The following FAM107B variants were observed in gnomAD, a reference collection of about 807,000 sequenced individuals.
FAM107B encodes protein FAM107B.
Under a neutral mutation model 31.5 loss-of-function variants are expected in FAM107B, and 21 were observed. The observed-to-expected ratio is 0.67, with a 90% CI of 0.47 to 0.96. FAM107B has a LOEUF of 0.96. Among genes scored for constraint, FAM107B ranks in the 40% least tolerant of loss-of-function variants. The pLI, the probability that FAM107B is intolerant of heterozygous loss-of-function variation, is 0.00. For missense variants in FAM107B, 452 were observed against 377.1 expected, an observed-to-expected ratio of 1.20 and a Z score of -1.64; for synonymous variants, 157 against 141.5, an observed-to-expected ratio of 1.11 and a Z score of -0.78.
At chr10:14,603,938 C>G (rs1044672324) in intron 2 of FAM107B, among the ~76,000 whole-genome samples, 1 of 149,958 alleles carries the variant, frequency 6.7e-6, no homozygotes, top group South Asian at 2.1e-4. Context: ...GCGGCAGCGC[C>G]GAGAAGGCAA....
At chr10:14,596,444 A>T (rs1852191416) in intron 2 of FAM107B, among the ~76,000 whole-genome samples, 1 of 152,240 alleles carries the variant, frequency 6.6e-6, no homozygotes, top group South Asian at 2.1e-4. Context: ...GATGACTGGC[A>T]TATGGCAGCA....
At chr10:14,723,382 C>G in intron 1 of FAM107B, 1 of 549,566 alleles carries the variant, frequency 1.8e-6, no homozygotes, top group Admixed American at 1.9e-5. Context: ...CCTGAAATTC[C>G]TCCTTGGTCA....
chr10:14,635,794 G>T (rs1298698116), intron 2 of FAM107B, among the ~76,000 whole-genome samples: 5 of 152,002 alleles, frequency 3.3e-5, no homozygotes, highest in Non-Finnish European at 7.4e-5. Flanking sequence ...ACGACGCCTG[G>T]CTAATTTTTG....
intron 3 of FAM107B, chr10:14,522,221 C>T (rs1444061786): frequency 7.7e-6 from 5 of 646,726 alleles, no homozygotes; most frequent in Non-Finnish European, 1.3e-5. Flanking sequence ...CCAAAGAGTA[C>T]ATAAAATCCA....
intron 1 of FAM107B, among the ~76,000 whole-genome samples, chr10:14,756,332 T>C (rs1832930575): frequency 2.6e-5 from 4 of 152,216 alleles, no homozygotes; most frequent in African/African-American, 9.6e-5. Context: ...AGTACCTAGG[T>C]ATTTAATCAA....
intron 1 of FAM107B, among the ~76,000 whole-genome samples, chr10:14,702,462 T>A (rs1408115002): frequency 2.0e-5 from 3 of 152,208 alleles, no homozygotes; most frequent in African/African-American, 7.2e-5. Flanking sequence ...TTCTCCCGCC[T>A]CAGCCCCCTG....
At chr10:14,604,255 A>G (rs974113433) in intron 2 of FAM107B, 3 of 978,568 alleles carry the variant, frequency 3.1e-6, no homozygotes, top group Non-Finnish European at 3.6e-6. Context: ...CGCGCGCACA[A>G]AGGCGCGCGG....
chr10:14,580,290 G>A (rs1245615168), intron 2 of FAM107B, among the ~76,000 whole-genome samples: 2 of 152,044 alleles, frequency 1.3e-5, no homozygotes, highest in Admixed American at 6.6e-5. Flanking sequence ...AACCCAGGAG[G>A]TGGAGCTTGC....
At chr10:14,570,235 T>G (rs2182456) in intron 2 of FAM107B, among the ~76,000 whole-genome samples, 27,065 of 75,544 alleles carry the variant, frequency 0.36, 2,931 homozygotes, top group Middle Eastern at 0.58. Flanking sequence ...ATGTGGTGGG[T>G]GTGTGTGTGT....
At chr10:14,744,643 T>C (rs1462422234) in intron 1 of FAM107B, among the ~76,000 whole-genome samples, 1 of 152,220 alleles carries the variant, frequency 6.6e-6, no homozygotes, top group Non-Finnish European at 1.5e-5. Context: ...TGTGATGAAT[T>C]ACATTTATTG....
chr10:14,602,361 G>T (rs890429402), intron 2 of FAM107B: 8 of 152,294 alleles, frequency 5.3e-5, no homozygotes, highest in Non-Finnish European at 7.3e-5. Context: ...TTGTCTCAAA[G>T]ACCTCTATTT....
rs972390539 is a variant in FAM107B at position 14,527,376 on chromosome 10, G to A, written c.653+2956C>T. ...ACACACTAGAAAGAGCATAGGTTTC[G>A]CAGTTAGAAGACCTGTGGGTACTTG... On this transcript the variant is annotated intron_variant, in intron 3 of 4. Transcript: ENST00000181796. Among the ~76,000 whole-genome samples, 9 of 152,300 alleles carry A rather than the reference G, an allele frequency of 5.9e-5. No individual in the cohort carries two copies. In the East Asian group the frequency reaches 1.3e-3, roughly 23 times the overall value.
intron 2 of FAM107B, among the ~76,000 whole-genome samples, chr10:14,614,314 C>T (rs548929804): frequency 1.3e-5 from 2 of 152,198 alleles, no homozygotes; most frequent in Non-Finnish European, 2.9e-5. Context: ...AAGGGAGAAA[C>T]TGAGGCCTGT....
chr10:14,715,964 A>G (rs992187007), intron 1 of FAM107B, among the ~76,000 whole-genome samples: 4 of 152,186 alleles, frequency 2.6e-5, no homozygotes, highest in African/African-American at 9.7e-5. Context: ...GCCAATTTCC[A>G]TAATAAATCC....
At chr10:14,539,984 C>T (rs758609803) in intron 2 of FAM107B, among the ~76,000 whole-genome samples, 10 of 152,166 alleles carry the variant, frequency 6.6e-5, no homozygotes, top group Admixed American at 2.0e-4. Flanking sequence ...TATGGAGAAA[C>T]GAGAAGGGCG....
chr10:14,725,391 TTCAA>T, intron 1 of FAM107B, among the ~76,000 whole-genome samples: 1 of 152,352 alleles, frequency 6.6e-6, no homozygotes, highest in African/African-American at 2.4e-5. Flanking sequence ...GGATTTCATG[TTCAA>T]TCAAAGTGCC....
At chr10:14,762,856 C>T (rs1177007301) in intron 1 of FAM107B, among the ~76,000 whole-genome samples, 1 of 151,966 alleles carries the variant, frequency 6.6e-6, no homozygotes, top group East Asian at 1.9e-4. Flanking sequence ...CATGATGGAT[C>T]TTGAACCTCA....
At chr10:14,699,868 G>C (rs1313151369) in intron 1 of FAM107B, among the ~76,000 whole-genome samples, 1 of 152,224 alleles carries the variant, frequency 6.6e-6, no homozygotes, top group African/African-American at 2.4e-5. Flanking sequence ...TTACAGGCTG[G>C]GTTGGCCTGT....
chr10:14,675,745 C>T (rs557107916), intron 1 of FAM107B, among the ~76,000 whole-genome samples: 42 of 152,180 alleles, frequency 2.8e-4, no homozygotes, highest in African/African-American at 9.2e-4. Flanking sequence ...ATTAGAGTCT[C>T]AAGGGTAGGA....
Sources: gnomAD v4.1 joint callset for allele counts (sites outside exome capture counted in the v4.1 genomes callset) on GRCh38, gnomAD v4.1.1 for gene constraint, MANE v1.5 for transcripts, NCBI Gene and HGNC (gene_info 2026-07-23, HGNC 2026-07-21) for gene names.